THSD7A: variants seen among roughly 807,000 people sequenced by gnomAD.
The protein encoded by THSD7A is thrombospondin type-1 domain-containing protein 7A.
THSD7A carries 96 observed loss-of-function variants against 231.3 expected under a neutral mutation model. The ratio of observed to expected loss-of-function variants is 0.41; its 90% CI spans 0.35 to 0.49. The LOEUF is 0.49. Among genes scored for constraint, THSD7A ranks in the 20% least tolerant of loss-of-function variants. The pLI is 0.05. For synonymous variants in THSD7A, 940 were observed against 743.3 expected (o/e 1.26, Z -4.30); for missense variants, 2,290 against 2,070.2 (o/e 1.11, Z -2.06).
intron 1 of THSD7A, among the ~76,000 whole-genome samples, chr7:11,698,581 G>A (rs1270514284): frequency 2.6e-5 from 4 of 151,362 alleles, no homozygotes; most frequent in Non-Finnish European, 4.4e-5. Context: ...AAGAAAGACT[G>A]CAAATTATTC....
At chr7:11,431,431 C>T (rs1209641916) in intron 13 of THSD7A, among the ~76,000 whole-genome samples, 2 of 152,042 alleles carry the variant, frequency 1.3e-5, no homozygotes, top group East Asian at 3.9e-4. Flanking sequence ...TTGAGTTATC[C>T]TGTCTTCAGT....
intron 1 of THSD7A, among the ~76,000 whole-genome samples, chr7:11,806,551 A>T (rs543765826): frequency 6.6e-6 from 1 of 152,004 alleles, no homozygotes; most frequent in Non-Finnish European, 1.5e-5. Context: ...GCAATGCTGC[A>T]GGTGACATCT....
At chr7:11,557,463 T>C (rs1789895008) in intron 4 of THSD7A, among the ~76,000 whole-genome samples, 1 of 152,064 alleles carries the variant, frequency 6.6e-6, no homozygotes, top group African/African-American at 2.4e-5. Context: ...TGGCTGCTAT[T>C]TATTTATTTT....
At chr7:11,532,624 C>T (rs1788754715) in intron 6 of THSD7A, among the ~76,000 whole-genome samples, 1 of 152,120 alleles carries the variant, frequency 6.6e-6, no homozygotes, top group Admixed American at 6.5e-5. Flanking sequence ...GTACATATTA[C>T]ATCATGCAGT....
chr7:11,389,568 T>G (rs529469448), intron 23 of THSD7A, among the ~76,000 whole-genome samples: 1 of 151,884 alleles, frequency 6.6e-6, no homozygotes, highest in African/African-American at 2.4e-5. Flanking sequence ...TCTTGACTCT[T>G]TATCCAATTT....
intron 6 of THSD7A, among the ~76,000 whole-genome samples, chr7:11,510,304 T>C (rs1787750299): frequency 6.6e-6 from 1 of 152,108 alleles, no homozygotes; most frequent in Non-Finnish European, 1.5e-5. Context: ...CCAAAAAAAG[T>C]CCTGGACCAG....
chr7:11,390,881 G>T (rs1782954222), intron 23 of THSD7A, among the ~76,000 whole-genome samples: 1 of 152,126 alleles, frequency 6.6e-6, no homozygotes, highest in Non-Finnish European at 1.5e-5. Flanking sequence ...GAGTTTTCTG[G>T]AGGTCCACTC....
chr7:11,709,154 A>C (rs1288181256), intron 1 of THSD7A, among the ~76,000 whole-genome samples: 2 of 150,412 alleles, frequency 1.3e-5, no homozygotes, highest in African/African-American at 4.9e-5. Context: ...GTTTCTTAAC[A>C]GTTTTTTCTG....
At chr7:11,741,889 T>C in intron 1 of THSD7A, among the ~76,000 whole-genome samples, 2 of 152,084 alleles carry the variant, frequency 1.3e-5, no homozygotes, top group Admixed American at 1.3e-4. Context: ...CTCATGTATA[T>C]ACACTGTTTC....
intron 24 of THSD7A, among the ~76,000 whole-genome samples, chr7:11,380,719 C>T (rs1782478976): frequency 6.6e-6 from 1 of 152,124 alleles, no homozygotes; most frequent in African/African-American, 2.4e-5. Flanking sequence ...AGGTAATATA[C>T]TTTACATGCT....
chr7:11,550,815 C>A (rs1789597680), intron 4 of THSD7A, among the ~76,000 whole-genome samples: 1 of 152,120 alleles, frequency 6.6e-6, no homozygotes, highest in South Asian at 2.1e-4. Context: ...ATCAAACCAC[C>A]AATGACATTT....
At chr7:11,394,814 T>C (rs929209707) in intron 23 of THSD7A, among the ~76,000 whole-genome samples, 1 of 152,090 alleles carries the variant, frequency 6.6e-6, no homozygotes, top group Non-Finnish European at 1.5e-5. Context: ...GAGTACTCAT[T>C]TCATTCATCG....
chr7:11,403,861 C>A (rs561826896), intron 22 of THSD7A, among the ~76,000 whole-genome samples: 1 of 152,050 alleles, frequency 6.6e-6, no homozygotes. Flanking sequence ...TAAAATTACC[C>A]GATGCCTGCC....
intron 4 of THSD7A, among the ~76,000 whole-genome samples, chr7:11,549,854 A>G (rs1434031908): frequency 6.6e-6 from 1 of 152,086 alleles, no homozygotes; most frequent in African/African-American, 2.4e-5. Flanking sequence ...CAGGTGCAGC[A>G]AATCACCATG....
chr7:11,766,540 A>G (rs1783034202), intron 1 of THSD7A, among the ~76,000 whole-genome samples: 1 of 152,196 alleles, frequency 6.6e-6, no homozygotes, highest in Non-Finnish European at 1.5e-5. Flanking sequence ...TTATCCTTAT[A>G]GAGATTAAAC....
intron 1 of THSD7A, among the ~76,000 whole-genome samples, chr7:11,689,538 T>A (rs1445888434): frequency 6.6e-6 from 1 of 151,740 alleles, no homozygotes; most frequent in Non-Finnish European, 1.5e-5. Context: ...CACGTTTTTT[T>A]CTTTTATCAA....
chr7:11,731,844 C>T (rs1245431521), intron 1 of THSD7A, among the ~76,000 whole-genome samples: 1 of 151,446 alleles, frequency 6.6e-6, no homozygotes, highest in Admixed American at 6.6e-5. Context: ...CATTCCATCC[C>T]TCTGCTTTAG....
chr7:11,401,852 C>T lies in THSD7A; in HGVS notation c.4354G>A (p.Glu1452Lys), dbSNP rs1022370395. Residue 1452 changes from glutamate (E) to lysine (K), a missense_variant, in exon 23 of 28, where the codon GAA (glutamate) becomes AAA (lysine). Coordinates refer to ENST00000423059, the MANE Select transcript of THSD7A (RefSeq NM_015204.3). ...GGGCACAGATGCTGATTCTCTAGTTCTTGTATAATCACCGGTCTGGATCTG... is the reference window on the plus strand; with the variant it reads ...GGGCACAGATGCTGATTCTCTAGTTTTTGTATAATCACCGGTCTGGATCTG... ...QVRSRPVIIQELENQHLCPEQ... is the reference protein window; with the variant it reads ...QVRSRPVIIQKLENQHLCPEQ... 6.2e-7 allele frequency: 1 copy of T among 1,613,734 alleles called. No homozygotes were observed. Among genetic ancestry groups the T allele is most frequent in the Non-Finnish European group, 8.5e-7 (1 of 1,179,834 alleles).
intron 1 of THSD7A, among the ~76,000 whole-genome samples, chr7:11,826,681 G>A (rs1332161365): frequency 5.3e-5 from 8 of 151,770 alleles, no homozygotes; most frequent in African/African-American, 9.7e-5. Flanking sequence ...GTATGGTGGC[G>A]GGCACCTGTA....
Sources: gnomAD v4.1 joint callset for allele counts (sites outside exome capture counted in the v4.1 genomes callset) on GRCh38, gnomAD v4.1.1 for gene constraint, MANE v1.5 for transcripts, NCBI Gene and HGNC (gene_info 2026-07-23, HGNC 2026-07-21) for gene names.